Variants in ACTR3C observed in about 807,000 individuals in gnomAD.
The protein encoded by ACTR3C is actin-related protein 3C.
ACTR3C carries 18 observed loss-of-function variants against 26.3 expected under a neutral mutation model. The ratio of observed to expected loss-of-function variants is 0.68; its 90% CI spans 0.47 to 1.01. ACTR3C has a LOEUF of 1.01. Ranked by LOEUF, ACTR3C falls within the 50% of genes least tolerant of loss-of-function variation. ACTR3C has a pLI of 0.00. For synonymous variants in ACTR3C, 55 were observed against 94.5 expected (o/e 0.58, Z 2.42); for missense variants, 184 against 250.7 (o/e 0.73, Z 1.80).
chr7:150,110,453 G>A, the ACTR3C span, among the ~76,000 whole-genome samples: 1 of 137,190 alleles, frequency 7.3e-6, no homozygotes, highest in African/African-American at 2.7e-5. Context: ...CTGAGGGTGG[G>A]GCTGGAAGAG....
At chr7:150,259,765 C>T (rs988865943) in intron 6 of ACTR3C, among the ~76,000 whole-genome samples, 17 of 152,124 alleles carry the variant, frequency 1.1e-4, no homozygotes, top group African/African-American at 4.1e-4. Context: ...CTCATTTCTG[C>T]CAAAAATTGT....
At chr7:150,040,298 G>A in the ACTR3C span, among the ~76,000 whole-genome samples, 17 of 147,576 alleles carry the variant, frequency 1.2e-4, no homozygotes, top group Non-Finnish European at 4.5e-5. Flanking sequence ...CACAGTTTGG[G>A]TTAAAAGTCC....
At chr7:150,037,838 GCGGAGGGTGCCTCCGCCCCCAGCGA>G in the ACTR3C span, among the ~76,000 whole-genome samples, 2 of 80,188 alleles carry the variant, frequency 2.5e-5, 1 homozygote, top group Non-Finnish European at 5.6e-5. Flanking sequence ...TCCCTGCCTC[GCGGAGGGTGCCTCCGCCCCCAGCGA>G]TGGGGGTCCT....
At chr7:150,237,530 G>A in the ACTR3C span, among the ~76,000 whole-genome samples, 16,373 of 151,378 alleles carry the variant, frequency 0.11, 1,523 homozygotes, top group African/African-American at 0.23. Context: ...TTGACTAACA[G>A]CACACCCTGT....
chr7:150,174,940 T>A, the ACTR3C span, among the ~76,000 whole-genome samples: 1 of 145,246 alleles, frequency 6.9e-6, no homozygotes, highest in Non-Finnish European at 1.5e-5. Flanking sequence ...GATCAGTAGA[T>A]TCAACCTAAT....
chr7:150,184,041 A>T, the ACTR3C span, among the ~76,000 whole-genome samples: 1 of 150,688 alleles, frequency 6.6e-6, no homozygotes, highest in Admixed American at 6.6e-5. Flanking sequence ...ACTGTGAGTC[A>T]ATTAAACTTC....
At chr7:149,922,210 C>T in the ACTR3C span, among the ~76,000 whole-genome samples, 1 of 135,388 alleles carries the variant, frequency 7.4e-6, no homozygotes, top group African/African-American at 2.5e-5. Flanking sequence ...TCTACTAAAT[C>T]CTTTGTTCTG....
the ACTR3C span, among the ~76,000 whole-genome samples, chr7:150,040,057 G>C: frequency 7.2e-6 from 1 of 138,592 alleles, no homozygotes; most frequent in Non-Finnish European, 1.5e-5. Flanking sequence ...CCTCGCGGGG[G>C]GTGCCTCCCC....
the ACTR3C span, among the ~76,000 whole-genome samples, chr7:150,029,422 C>CAAA: frequency 2.9e-5 from 2 of 68,132 alleles, no homozygotes; most frequent in Non-Finnish European, 5.6e-5. Context: ...AAAAAACAAA[C>CAAA]AAAAAAAAAC....
chr7:149,948,664 G>A, the ACTR3C span, among the ~76,000 whole-genome samples: 7 of 151,750 alleles, frequency 4.6e-5, no homozygotes, highest in Non-Finnish European at 4.4e-5. Context: ...TGAGTCAGAC[G>A]GGGGACCTCC....
chr7:149,978,700 T>C, the ACTR3C span, among the ~76,000 whole-genome samples: 1 of 151,786 alleles, frequency 6.6e-6, no homozygotes, highest in Non-Finnish European at 1.5e-5. Flanking sequence ...TCTGTGGTAC[T>C]GGTAACACTA....
chr7:150,079,206 C>T, the ACTR3C span, among the ~76,000 whole-genome samples: 2 of 152,144 alleles, frequency 1.3e-5, no homozygotes, highest in Non-Finnish European at 2.9e-5. Flanking sequence ...GCACAAAGGC[C>T]TCTTCTCCTG....
At chr7:150,156,552 G>A in the ACTR3C span, among the ~76,000 whole-genome samples, 2 of 151,444 alleles carry the variant, frequency 1.3e-5, no homozygotes. Flanking sequence ...GAGAGAGAGA[G>A]AGAGGAGAGA....
intron 1 of ACTR3C, among the ~76,000 whole-genome samples, chr7:150,319,084 A>C (rs1797221879): frequency 6.6e-6 from 1 of 152,210 alleles, no homozygotes. Context: ...ATTACTGAGC[A>C]AGTCTTGTCA....
At chr7:149,908,169 C>A in the ACTR3C span, among the ~76,000 whole-genome samples, 2 of 152,184 alleles carry the variant, frequency 1.3e-5, no homozygotes, top group Non-Finnish European at 1.5e-5. Flanking sequence ...AGGCAGCCCT[C>A]TGCAGGCCGT....
At chr7:150,275,580 G>A (rs1195599036) in intron 6 of ACTR3C, among the ~76,000 whole-genome samples, 1 of 151,924 alleles carries the variant, frequency 6.6e-6, no homozygotes, top group Non-Finnish European at 1.5e-5. Context: ...GCGTGGTGGC[G>A]GGCACCTGTA....
the ACTR3C span, among the ~76,000 whole-genome samples, chr7:150,004,208 G>A: frequency 6.5e-4 from 98 of 151,860 alleles, no homozygotes; most frequent in East Asian, 3.9e-4. Context: ...GTTATGTGGT[G>A]TGTTATGTTG....
chr7:150,035,229 G>A, the ACTR3C span, among the ~76,000 whole-genome samples: 1 of 115,216 alleles, frequency 8.7e-6, no homozygotes, highest in East Asian at 2.4e-4. Context: ...TCTGCCATGG[G>A]GGTCCTAAGA....
chr7:149,993,598 T>C, the ACTR3C span, among the ~76,000 whole-genome samples: 11 of 152,044 alleles, frequency 7.2e-5, no homozygotes, highest in Non-Finnish European at 1.5e-4. Context: ...CTGAGTTGAC[T>C]GCACTTCTGT....
Sources: gnomAD v4.1 joint callset for allele counts (sites outside exome capture counted in the v4.1 genomes callset) on GRCh38, gnomAD v4.1.1 for gene constraint, MANE v1.5 for transcripts, NCBI Gene and HGNC (gene_info 2026-07-23, HGNC 2026-07-21) for gene names.